CNTNAP4: variants seen among roughly 807,000 people sequenced by gnomAD.
CNTNAP4 encodes the protein contactin associated protein family member 4.
CNTNAP4 carries 98 observed loss-of-function variants against 148.4 expected under a neutral mutation model. The ratio of observed to expected loss-of-function variants is 0.66; its 90% CI spans 0.56 to 0.78. The LOEUF is 0.78. Ranked by LOEUF, CNTNAP4 falls within the 30% of genes least tolerant of loss-of-function variation. The pLI, the probability that CNTNAP4 is intolerant of heterozygous loss-of-function variation, is 0.00. For synonymous variants in CNTNAP4, 730 were observed against 565.1 expected (o/e 1.29, Z -4.14); for missense variants, 1,935 against 1,565.6 (o/e 1.24, Z -3.98).
chr16:76,519,409 T>C (rs987725656), intron 15 of CNTNAP4, among the ~76,000 whole-genome samples: 4 of 152,252 alleles, frequency 2.6e-5, no homozygotes, highest in Admixed American at 2.6e-4. Context: ...TGATATAATA[T>C]GAAAAAAATA....
In CNTNAP4 at chr16:76,432,031, AT is replaced by A. The variant is rs530426026; in HGVS notation, c.538+4433del. Among the ~76,000 whole-genome samples, 20 of 152,304 alleles carry A rather than the reference AT, an allele frequency of 1.3e-4. No homozygotes were observed. The East Asian group carries it at 3.9e-3, about 29-fold the overall frequency. ...TAAATATCATTATTGTTAGTAAATC[AT>A]AAAGTATTCTACTTATTGTACTACA... On this transcript the variant is annotated intron_variant, in intron 4 of 23. Coordinates refer to ENST00000611870, the MANE Select transcript of CNTNAP4 (RefSeq NM_033401.5).
intron 17 of CNTNAP4, among the ~76,000 whole-genome samples, chr16:76,522,996 C>G (rs1379979927): frequency 6.6e-6 from 1 of 151,888 alleles, no homozygotes; most frequent in African/African-American, 2.4e-5. Context: ...AACTCCTGAC[C>G]TCAGGTGATC....
At chr16:76,480,431 C>T (rs2081783690) in intron 12 of CNTNAP4, among the ~76,000 whole-genome samples, 2 of 152,134 alleles carry the variant, frequency 1.3e-5, no homozygotes, top group Admixed American at 1.3e-4. Flanking sequence ...AACACCCTTT[C>T]AATGAACTAA....
chr16:76,501,417 T>G (rs1197585036), intron 15 of CNTNAP4, among the ~76,000 whole-genome samples: 1 of 152,154 alleles, frequency 6.6e-6, no homozygotes, highest in Non-Finnish European at 1.5e-5. Flanking sequence ...ATGTTTTAAG[T>G]GAGGTCCCTA....
chr16:76,399,630 AG>A (rs1263952059), intron 3 of CNTNAP4, among the ~76,000 whole-genome samples: 2 of 152,214 alleles, frequency 1.3e-5, no homozygotes, highest in African/African-American at 2.4e-5. Context: ...AGATTAAAAA[AG>A]AGTATCTTTT....
chr16:76,479,432 G>T lies in CNTNAP4; in HGVS notation c.1776G>T (p.Gln592His). The change falls in exon 12 of 24, where the codon CAG (glutamine) becomes CAT (histidine). Residue 592 changes from glutamine (Q) to histidine (H), a missense_variant. Physicochemically the swap from Gln to His is conservative, Grantham distance 24 (BLOSUM62 0). Coordinates refer to ENST00000611870, the MANE Select transcript of CNTNAP4 (RefSeq NM_033401.5). Reference sequence around the variant, plus strand: ...TTTTTCTTAAAGCTATCTATGAGCAGTCATGTGAAGCCTATAAGCACAGAG... The same window carrying T: ...TTTTTCTTAAAGCTATCTATGAGCATTCATGTGAAGCCTATAAGCACAGAG... ...GATCHNSIYE[Q>H]SCEAYKHRGN... is the part of the protein sequence containing the mutation. The T allele has an allele frequency of 6.2e-7, 1 of 1,601,450 alleles. No individual in the cohort carries two copies. Among genetic ancestry groups the T allele is most frequent in the African/African-American group, 1.3e-5 (1 of 74,544 alleles).
chr16:76,558,678 T>C lies in CNTNAP4; in HGVS notation c.3922T>C (p.Phe1308Leu), dbSNP rs1017014868. 7.5e-6 allele frequency: 12 copies of C among 1,602,528 alleles called. No homozygotes were observed. Among genetic ancestry groups the C allele is most frequent in the Non-Finnish European group, 1.0e-5 (12 of 1,174,506 alleles). Residue 1308 changes from phenylalanine (F) to leucine (L), a missense_variant, in exon 24 of 24, where the codon TTC becomes CTC. Transcript: ENST00000611870. Reference protein sequence around the residue: ...AVNENQKEYFF With the variant: ...AVNENQKEYFL ...CAATGAAAATCAGAAAGAGTACTTCTTCTGATTGGCAGCTATGATTTAACA... is the reference window on the plus strand; with the variant it reads ...CAATGAAAATCAGAAAGAGTACTTCCTCTGATTGGCAGCTATGATTTAACA...
chr16:76,365,819 A>G (rs1357695930), intron 3 of CNTNAP4, among the ~76,000 whole-genome samples: 1 of 151,952 alleles, frequency 6.6e-6, no homozygotes, highest in African/African-American at 2.4e-5. Context: ...TAATTCAGTA[A>G]TGCTTCTAAC....
intron 12 of CNTNAP4, among the ~76,000 whole-genome samples, chr16:76,484,239 G>A (rs1228438197): frequency 1.8e-5 from 2 of 111,630 alleles, no homozygotes; most frequent in African/African-American, 6.7e-5. Flanking sequence ...TTGAAATGAG[G>A]TCAGATGGGT....
rs529797429 is a variant in CNTNAP4 at position 76,340,211 on chromosome 16, T to C, written c.197-15107T>C. ...AGGGACTGGTTATTTAAGAGGCACG[T>C]ATTAAAGATCTCTAGGAAGGGAAGG... On this transcript the variant is annotated intron_variant, in intron 2 of 23. Transcript: ENST00000611870. Among the ~76,000 whole-genome samples the C allele has an allele frequency of 2.6e-5, 4 of 152,198 alleles. No homozygotes were observed. In the East Asian group the frequency reaches 7.7e-4, roughly 29 times the overall value.
chr16:76,491,329 A>G (rs1373391205), intron 13 of CNTNAP4, among the ~76,000 whole-genome samples: 1 of 152,198 alleles, frequency 6.6e-6, no homozygotes, highest in East Asian at 1.9e-4. Context: ...TGTGTTTCTC[A>G]TTGGCTAGGT....
intron 17 of CNTNAP4, among the ~76,000 whole-genome samples, chr16:76,534,821 G>T (rs935806203): frequency 6.6e-6 from 1 of 152,158 alleles, no homozygotes; most frequent in Non-Finnish European, 1.5e-5. Context: ...AATAGGGTCT[G>T]ATTCCAACCC....
At chr16:76,470,191 C>T (rs2081314193) in intron 10 of CNTNAP4, among the ~76,000 whole-genome samples, 1 of 152,086 alleles carries the variant, frequency 6.6e-6, no homozygotes, top group Non-Finnish European at 1.5e-5. Flanking sequence ...AGCCTCTAAC[C>T]CCAGCACTCT....
chr16:76,488,643 G>C (rs908654091), intron 12 of CNTNAP4, among the ~76,000 whole-genome samples: 9 of 152,182 alleles, frequency 5.9e-5, no homozygotes, highest in African/African-American at 1.9e-4. Context: ...TATTACAGAA[G>C]AGTTATGTGA....
Position 76,463,186 on chromosome 16 carries a change from T to C in CNTNAP4, c.1483+1081T>C, listed in dbSNP as rs75617229. 6.3e-3 allele frequency among the ~76,000 whole-genome samples: 960 copies of C among 152,356 alleles called. 6 individuals carry two copies. The highest frequency in any genetic ancestry group is 0.022 in the African/African-American group (899 of 41,582). ...TGATTGATTTTATGGCAATCCATAGTAACACATTCTTTTAATAAATAGTAA... is the reference window on the plus strand; with the variant it reads ...TGATTGATTTTATGGCAATCCATAGCAACACATTCTTTTAATAAATAGTAA... On this transcript the variant is annotated intron_variant, in intron 9 of 23. Transcript: ENST00000611870.
At chr16:76,339,529 A>T (rs559239627) in intron 2 of CNTNAP4, among the ~76,000 whole-genome samples, 55 of 152,284 alleles carry the variant, frequency 3.6e-4, no homozygotes, top group African/African-American at 1.3e-3. Context: ...GAGAAGATTG[A>T]TGGGAATTAA....
At chr16:76,470,572 C>T (rs1429745283) in intron 10 of CNTNAP4, among the ~76,000 whole-genome samples, 1 of 149,342 alleles carries the variant, frequency 6.7e-6, no homozygotes, top group African/African-American at 2.5e-5. Flanking sequence ...ATCGCTTGAA[C>T]CCGGGAGACG....
intron 2 of CNTNAP4, among the ~76,000 whole-genome samples, chr16:76,324,615 G>T (rs142482657): frequency 6.6e-6 from 1 of 152,130 alleles, no homozygotes; most frequent in Non-Finnish European, 1.5e-5. Flanking sequence ...TCAAGGTGAC[G>T]GTAGAGTCTA....
At chr16:76,552,211 C>T (rs552808916) in intron 21 of CNTNAP4, among the ~76,000 whole-genome samples, 5 of 152,280 alleles carry the variant, frequency 3.3e-5, no homozygotes, top group African/African-American at 9.6e-5. Context: ...CTCACTATCA[C>T]AATAACAGCA....
Sources: allele counts gnomAD v4.1 joint callset (sites outside exome capture counted in the v4.1 genomes callset), GRCh38; gene constraint gnomAD v4.1.1; transcripts MANE v1.5; gene names NCBI Gene and HGNC (gene_info 2026-07-23, HGNC 2026-07-21).